The following TTN variants were observed in gnomAD, a reference collection of about 807,000 sequenced individuals.
TTN encodes the protein titin.
Under a neutral mutation model 3,223.0 loss-of-function variants are expected in TTN, and 1,525 were observed. That is an observed-to-expected ratio of 0.47 (90% CI 0.45 to 0.49). The LOEUF (loss-of-function observed/expected upper bound fraction) is 0.49, where lower values mean the gene tolerates loss of function less well. Ranked by LOEUF, TTN falls within the 20% of genes least tolerant of loss-of-function variation. The probability of loss-of-function intolerance (pLI) is 0.00; values close to 1 mark genes in which losing one functional copy is unlikely to be tolerated. For missense variants in TTN, 40,786 were observed against 43,424.0 expected (o/e 0.94, Z 5.40); for synonymous variants, 14,094 against 15,161.0 (o/e 0.93, Z 5.17).
In TTN at chr2:178,715,150, T is replaced by A; in HGVS notation, c.26036A>T (p.Asp8679Val). The change falls in exon 90 of 363, where the codon GAC becomes GTC. Residue 8679 changes from aspartate (D) to valine (V), a missense_variant. By Grantham distance (152) the Asp-to-Val change is radical. Coordinates refer to ENST00000589042, the MANE Select transcript of TTN (RefSeq NM_001267550.2). ...CTTGCCGCTCCTAAGTTCTCTCTTG[T>A]CTTTATACCAAGAAACGTGAAATGG... ...TPPFHVSWYKDKRELRSGKKY... is the reference protein window; with the variant it reads ...TPPFHVSWYKVKRELRSGKKY... The A allele has an allele frequency of 6.2e-7, 1 of 1,613,794 alleles. No homozygotes were observed. The highest frequency in any genetic ancestry group is 8.5e-7 in the Non-Finnish European group (1 of 1,179,732).
rs748443605 is a variant in TTN at position 178,764,162 on chromosome 2, T to C, written c.10114+15A>G. 1.9e-6 allele frequency: 3 copies of C among 1,614,010 alleles called. No homozygotes were observed. The African/African-American group carries it at 4.0e-5, about 22-fold the overall frequency. The stretch of plus-strand genomic sequence containing the variant: ...TGTAAGTATTGGCAATGACACCTTT[T>C]GTTCTTAAACCTACCTGTTCCAGAA... On this transcript the variant is annotated intron_variant, in intron 43 of 362. Transcript: ENST00000589042.
At position 178,590,401 on chromosome 2, in the gene TTN, C is replaced by G. The variant is rs751412533; in HGVS notation, c.61324G>C (p.Glu20442Gln). The G allele has an allele frequency of 6.2e-7, 1 of 1,606,352 alleles. No homozygotes were observed. Among genetic ancestry groups the G allele is most frequent in the East Asian group, 2.2e-5 (1 of 44,696 alleles). ...FRVPGLIEGN[E>Q]YRFRIKAANI... The stretch of plus-strand genomic sequence containing the variant: ...GCTGCCTTTATACGGAATCTGTACT[C>G]ATTTCCTTCAATTAGTCCAGGTACC... The change falls in exon 304 of 363, where the codon GAG (glutamate) becomes CAG (glutamine). Residue 20442 changes from glutamate (E) to glutamine (Q), a missense_variant. Transcript: ENST00000589042.
Position 178,605,115 on chromosome 2 carries a change from A to G in TTN, c.54062T>C (p.Val18021Ala), listed in dbSNP as rs1039563833. Residue 18021 changes from valine (V) to alanine (A), a missense_variant, in exon 280 of 363, where the codon GTA (valine) becomes GCA (alanine). Coordinates refer to ENST00000589042, the MANE Select transcript of TTN (RefSeq NM_001267550.2). ...TDALQITKEE[V>A]SRSEAKTELS... ...CTCAGTTTTTGCCTCACTTCGGGAT[A>G]CCTCTTCCTTGGTTATCTGAAGTGC... is the stretch of plus-strand genomic sequence containing the variant. 1 of 1,612,630 alleles carries G rather than the reference A, an allele frequency of 6.2e-7. No homozygotes were observed. The highest frequency in any genetic ancestry group is 1.3e-5 in the African/African-American group (1 of 74,900).
chr2:178,565,203 C>T lies in TTN; in HGVS notation c.80929G>A (p.Val26977Ile). The change falls in exon 326 of 363, where the codon GTT (valine) becomes ATT (isoleucine). Residue 26977 changes from valine to isoleucine, a missense_variant. Coordinates refer to ENST00000589042, the MANE Select transcript of TTN (RefSeq NM_001267550.2). ...ACTTCATCAAACCGAACTGGGCCAA[C>T]TGGAGGTCCAGGCTTTTCTAAAACG... ...VIVLEKPGPP[V>I]GPVRFDEVSA... The T allele has an allele frequency of 6.2e-7, 1 of 1,613,542 alleles. No homozygotes were observed. The highest frequency in any genetic ancestry group is 8.5e-7 in the Non-Finnish European group (1 of 1,179,668).
At position 178,548,262 on chromosome 2, in the gene TTN, C is replaced by T; in HGVS notation, c.93364G>A (p.Val31122Ile). 6.2e-7 allele frequency: 1 copy of T among 1,613,876 alleles called. No individual in the cohort carries two copies. ...GCGGAGGATTTGCTAGTATCAACAA[C>T]ATCAAGTCTCCTAGGTGGAGCAGGC... ...EQPAPPRRLD[V>I]VDTSKSSAVL... Residue 31122 changes from valine to isoleucine, a missense_variant, in exon 339 of 363, where the codon GTT (valine) becomes ATT (isoleucine). Val to Ile is a conservative substitution (Grantham distance 29). Coordinates refer to ENST00000589042, the MANE Select transcript of TTN (RefSeq NM_001267550.2). The surrounding 1 kb of genome is among the most constrained non-coding windows in gnomAD (Gnocchi z 4.3).
rs767050764 is a variant in TTN, at chr2:178,571,003, A to C, written c.75129T>G (p.Val25043=). ...GGCCCTCAGGTAATTCTTTCTTCTC[A>C]ACAATATAACCAGTGATCTTGCTTC... ...DGGSKITGYI[V]EKKELPEGRW... The change falls in exon 326 of 363, where the codon GTT becomes GTG. Residue 25043 remains valine (V), a synonymous_variant. Transcript: ENST00000589042. 66 of 1,613,088 alleles carry C rather than the reference A, an allele frequency of 4.1e-5. 1 individual carries two copies. The South Asian group carries it at 7.1e-4, about 17-fold the overall frequency.
chr2:178,711,196 A>G lies in TTN; in HGVS notation c.28040T>C (p.Val9347Ala). 1 of 1,613,784 alleles carries G rather than the reference A, an allele frequency of 6.2e-7. No individual in the cohort carries two copies. ...DGKPLKDSPN[V>A]QTSFLDNTAT... The stretch of plus-strand genomic sequence containing the variant: ...TGTATTGTCTAAAAATGATGTTTGT[A>G]CATTTGGGCTGTCTTTCAATGGCTT... The change falls in exon 97 of 363, where the codon GTA (valine) becomes GCA (alanine). Residue 9347 changes from valine to alanine, a missense_variant. Coordinates refer to ENST00000589042, the MANE Select transcript of TTN (RefSeq NM_001267550.2).
intron 44 of TTN, 27 bp downstream of exon 44, chr2:178,758,957 G>A: frequency 6.2e-7 from 1 of 1,603,566 alleles, no homozygotes; most frequent in South Asian, 1.1e-5. Context: ...ATATTTAAAT[G>A]GGGTTCTGAA....
rs1553536305 is a variant in TTN at position 178,550,169 on chromosome 2, G to A, written c.91669C>T (p.Arg30557Ter). ...KALVQGRPVPRVTWFKDGVEI... is the reference protein window; with the variant it reads ...KALVQGRPVP ...ACTCCATCTTTGAACCAAGTTACTC[G>A]AGGCACTGGTCTTCCTTGTACCAAA... Residue 30557 changes from arginine to a stop codon, truncating the protein, a stop_gained, in exon 337 of 363, where the codon CGA becomes TGA. Transcript: ENST00000589042. LOFTEE classifies it high-confidence loss of function. The A allele has an allele frequency of 6.2e-7, 1 of 1,613,610 alleles. No individual in the cohort carries two copies. Among genetic ancestry groups the A allele is most frequent in the Non-Finnish European group, 8.5e-7 (1 of 1,179,728 alleles).
intron 112 of TTN, among the ~76,000 whole-genome samples, chr2:178,698,326 A>G (rs553358547): frequency 6.6e-6 from 1 of 152,326 alleles, no homozygotes; most frequent in South Asian, 2.1e-4. Flanking sequence ...AGTGGTGAAT[A>G]TAGTTAATAA....
Position 178,684,961 on chromosome 2 carries a change from T to C in TTN, c.32499A>G (p.Pro10833=), listed in dbSNP as rs375229792. The change falls in exon 130 of 363, where the codon CCA becomes CCG. Residue 10833 remains proline, a synonymous_variant. Transcript: ENST00000589042. Reference sequence around the variant, plus strand: ...GAACTGGAGCAGGAACTTTCTTTTCTGGCACAATTTTCTTAGGTGCTTCAG... The same window carrying C: ...GAACTGGAGCAGGAACTTTCTTTTCCGGCACAATTTTCTTAGGTGCTTCAG... ...KVPEAPKKIV[P]EKKVPAPVPK... 1.2e-6 allele frequency: 2 copies of C among 1,608,006 alleles called. No homozygotes were observed. The highest frequency in any genetic ancestry group is 2.7e-5 in the African/African-American group (2 of 74,860).
intron 114 of TTN, 104 bp from the exon 115 acceptor site, chr2:178,695,514 A>G: frequency 1.1e-6 from 1 of 896,020 alleles, no homozygotes; most frequent in South Asian, 1.7e-5. Flanking sequence ...TAATCGTGTG[A>G]AGTATTATAT....
intron 49 of TTN, among the ~76,000 whole-genome samples, chr2:178,736,555 T>G (rs16866479): frequency 6.6e-6 from 1 of 152,286 alleles, no homozygotes; most frequent in East Asian, 1.9e-4. Flanking sequence ...GGCTTAACTA[T>G]GAATGCATCC....
chr2:178,777,974 A>G lies in TTN; in HGVS notation c.4210T>C (p.Ser1404Pro). The G allele has an allele frequency of 1.2e-6, 2 of 1,613,478 alleles. No homozygotes were observed. Among genetic ancestry groups the G allele is most frequent in the African/African-American group, 2.7e-5 (2 of 75,026 alleles). ...PTLEPVSRIR[S>P]LSPRSVSRSP... The stretch of plus-strand genomic sequence containing the variant: ...CTGCTCACTGAACGTGGAGAGAGAG[A>G]TCTGCAAAACAAAGACACACAATAC... Residue 1404 changes from serine to proline, a missense_variant and splice_region_variant, in exon 25 of 363, where the codon TCT becomes CCT. Transcript: ENST00000589042.
Position 178,741,123 on chromosome 2 carries a change from T to C in TTN, c.12110A>G (p.Asp4037Gly), listed in dbSNP as rs1431546776. ...LVLLEDTDMTDTPCKAKSTPE... is the reference protein window; with the variant it reads ...LVLLEDTDMTGTPCKAKSTPE... ...TGTGGACTTTGCTTTGCAGGGGGTATCAGTCATGTCTGTGTCTTCCAGAAG... is the reference window on the plus strand; with the variant it reads ...TGTGGACTTTGCTTTGCAGGGGGTACCAGTCATGTCTGTGTCTTCCAGAAG... The change falls in exon 48 of 363, where the codon GAT becomes GGT. Residue 4037 changes from aspartate (D) to glycine (G), a missense_variant. Coordinates refer to ENST00000589042, the MANE Select transcript of TTN (RefSeq NM_001267550.2). 1.9e-6 allele frequency: 3 copies of C among 1,613,612 alleles called. No individual in the cohort carries two copies. The Admixed American group carries it at 5.0e-5, about 27-fold the overall frequency.
rs878854303 is a variant in TTN, at chr2:178,649,850, C to G, written c.39862G>C (p.Val13288Leu). ...KKIIPEKKVP[V>L]IKKPEAPPPK... ...GGCGGTGCTTCTGGTTTTTTGATGA[C>G]AGGAACTTTCTTCTCTGGGATGATC... The change falls in exon 211 of 363, where the codon GTC becomes CTC. Residue 13288 changes from valine to leucine, a missense_variant. Transcript: ENST00000589042. The G allele has an allele frequency of 6.2e-7, 1 of 1,612,520 alleles. No individual in the cohort carries two copies. The highest frequency in any genetic ancestry group is 8.5e-7 in the Non-Finnish European group (1 of 1,179,414).
intron 284 of TTN, 23 bp downstream of exon 284, chr2:178,601,976 AAAG>A: frequency 6.2e-7 from 1 of 1,612,722 alleles, no homozygotes; most frequent in Non-Finnish European, 8.5e-7. Context: ...TCAGTGGAAA[AAAG>A]AGGAGAATGG....
chr2:178,608,670 A>C lies in TTN; in HGVS notation c.52341T>G (p.Ala17447=), dbSNP rs1425246973. 1 of 1,612,108 alleles carries C rather than the reference A, an allele frequency of 6.2e-7. No individual in the cohort carries two copies. The highest frequency in any genetic ancestry group is 2.2e-5 in the East Asian group (1 of 44,504). The stretch of plus-strand genomic sequence containing the variant: ...GTGGACCTGGCCCAAATCTGTTTTC[A>C]GCTCTTACACGGAAGAGGTACTCTT... ...EGKEYLFRVR[A]ENRFGPGPPC... is the part of the protein sequence containing the mutation. Residue 17447 remains alanine (A), a synonymous_variant, in exon 274 of 363, where the codon GCT becomes GCG. Coordinates refer to ENST00000589042, the MANE Select transcript of TTN (RefSeq NM_001267550.2).
Position 178,566,417 on chromosome 2 carries a change from C to G in TTN, c.79715G>C (p.Gly26572Ala). 1.2e-6 allele frequency: 2 copies of G among 1,613,442 alleles called. No homozygotes were observed. The highest frequency in any genetic ancestry group is 2.2e-5 in the South Asian group (2 of 91,076). The change falls in exon 326 of 363, where the codon GGT (glycine) becomes GCT (alanine). Residue 26572 changes from glycine to alanine, a missense_variant. Transcript: ENST00000589042. Reference sequence around the variant, plus strand: ...AGTACCAGGAACTGATGTAGCCTCACCTAAACCAACTTTGTTGAGGGCACA... The same window carrying G: ...AGTACCAGGAACTGATGTAGCCTCAGCTAAACCAACTTTGTTGAGGGCACA... ...RVCALNKVGL[G>A]EATSVPGTVK...
Sources: allele counts gnomAD v4.1 joint callset (sites outside exome capture counted in the v4.1 genomes callset), GRCh38; gene constraint gnomAD v4.1.1; non-coding constraint Gnocchi (gnomAD v3.1); transcripts MANE v1.5; gene names NCBI Gene and HGNC (gene_info 2026-07-23, HGNC 2026-07-21).